Variants in LOC400499 observed in about 807,000 individuals in gnomAD.
the LOC400499 span, among the ~76,000 whole-genome samples, chr16:11,488,178 G>T: frequency 1.8e-4 from 28 of 151,804 alleles, no homozygotes; most frequent in Non-Finnish European, 3.8e-4. Context: ...TCCTTTTTAG[G>T]ACTACCTTCT....
At chr16:11,471,835 C>G in the LOC400499 span, 6 of 399,056 alleles carry the variant, frequency 1.5e-5, no homozygotes, top group African/African-American at 8.2e-5. Flanking sequence ...GAGAGGTAAG[C>G]AGGCAGCACT....
the LOC400499 span, among the ~76,000 whole-genome samples, chr16:11,520,250 T>C: frequency 1.3e-5 from 2 of 152,196 alleles, no homozygotes; most frequent in African/African-American, 4.8e-5. Flanking sequence ...TTCCATATTA[T>C]ATTTTAATCA....
At chr16:11,520,739 T>TG in the LOC400499 span, among the ~76,000 whole-genome samples, 19 of 148,958 alleles carry the variant, frequency 1.3e-4, no homozygotes, top group African/African-American at 4.4e-4. Flanking sequence ...AAGGAGGCTC[T>TG]GGGGGTTATA....
chr16:11,523,187 TG>T, the LOC400499 span, among the ~76,000 whole-genome samples: 1 of 152,214 alleles, frequency 6.6e-6, no homozygotes, highest in Non-Finnish European at 1.5e-5. Flanking sequence ...CCTTGGGGGC[TG>T]GGATGGCTTA....
At chr16:11,457,135 G>C in the LOC400499 span, 1 of 1,155,180 alleles carries the variant, frequency 8.7e-7, no homozygotes, top group Non-Finnish European at 1.2e-6. Context: ...AGCCAAGATT[G>C]CACTACTGCA....
At chr16:11,373,006 G>C in the LOC400499 span, among the ~76,000 whole-genome samples, 1 of 152,256 alleles carries the variant, frequency 6.6e-6, no homozygotes, top group African/African-American at 2.4e-5. Flanking sequence ...CATCTGTGGA[G>C]TGCTCACTCT....
the LOC400499 span, among the ~76,000 whole-genome samples, chr16:11,470,033 G>A: frequency 2.6e-5 from 4 of 152,212 alleles, no homozygotes; most frequent in African/African-American, 9.7e-5. Context: ...CTCCTGAGCA[G>A]CTGGGATTAC....
chr16:11,470,542 G>C, the LOC400499 span: 1 of 152,198 alleles, frequency 6.6e-6, no homozygotes, highest in Non-Finnish European at 1.5e-5. Flanking sequence ...GTCTCTTGTT[G>C]GGGAAGTGCA....
chr16:11,513,488 G>A, the LOC400499 span, among the ~76,000 whole-genome samples: 278 of 151,842 alleles, frequency 1.8e-3, 6 homozygotes, highest in Admixed American at 0.016. Flanking sequence ...CTGAAGTGCA[G>A]TGGCATGATC....
chr16:11,452,715 C>G, the LOC400499 span, among the ~76,000 whole-genome samples: 1 of 152,254 alleles, frequency 6.6e-6, no homozygotes, highest in Non-Finnish European at 1.5e-5. Context: ...TCTGGGTGGC[C>G]TCATGGGTCA....
chr16:11,520,078 G>A, the LOC400499 span, among the ~76,000 whole-genome samples: 1 of 152,158 alleles, frequency 6.6e-6, no homozygotes, highest in East Asian at 1.9e-4. Flanking sequence ...GAGGGGACTA[G>A]AGTCTGCAGG....
the LOC400499 span, among the ~76,000 whole-genome samples, chr16:11,515,436 A>G: frequency 3.3e-5 from 5 of 152,092 alleles, no homozygotes; most frequent in Non-Finnish European, 5.9e-5. Flanking sequence ...AGCCTGGGTG[A>G]CAGAGTGGGA....
chr16:11,443,086 G>A, the LOC400499 span, among the ~76,000 whole-genome samples: 4 of 152,078 alleles, frequency 2.6e-5, no homozygotes, highest in African/African-American at 9.7e-5. Context: ...CACTTTGGGA[G>A]GCTGAGGCCG....
At chr16:11,433,119 G>T in the LOC400499 span, among the ~76,000 whole-genome samples, 4 of 152,138 alleles carry the variant, frequency 2.6e-5, no homozygotes, top group Admixed American at 1.3e-4. Flanking sequence ...CTCTTGTACC[G>T]CAATGGCAGG....
chr16:11,415,925 C>T, the LOC400499 span, among the ~76,000 whole-genome samples: 105 of 148,854 alleles, frequency 7.1e-4, 1 homozygote, highest in African/African-American at 2.6e-3. Context: ...GGCTAACGGC[C>T]AAAAATAAAG....
the LOC400499 span, chr16:11,411,311 A>T: frequency 2.5e-6 from 1 of 399,450 alleles, no homozygotes; most frequent in Non-Finnish European, 4.4e-6. Flanking sequence ...TGCCGGCCTG[A>T]GAACAGCAGC....
the LOC400499 span, among the ~76,000 whole-genome samples, chr16:11,527,008 G>C: frequency 6.6e-6 from 1 of 152,204 alleles, no homozygotes; most frequent in Admixed American, 6.5e-5. Flanking sequence ...GGAAAGGCAG[G>C]TCAACAGGCA....
At chr16:11,516,822 C>G in the LOC400499 span, among the ~76,000 whole-genome samples, 4 of 152,074 alleles carry the variant, frequency 2.6e-5, no homozygotes, top group South Asian at 2.1e-4. Flanking sequence ...AATTTTTAAA[C>G]CTTTTGTAGA....
At chr16:11,380,535 A>G in the LOC400499 span, among the ~76,000 whole-genome samples, 4 of 152,166 alleles carry the variant, frequency 2.6e-5, no homozygotes, top group Non-Finnish European at 5.9e-5. Flanking sequence ...TCAAAAAAAA[A>G]TAAGAATAAT....
Sources: gnomAD v4.1 joint callset for allele counts (sites outside exome capture counted in the v4.1 genomes callset) on GRCh38, gnomAD v4.1.1 for gene constraint, MANE v1.5 for transcripts.